Variants in CCDC170 observed in about 807,000 individuals in gnomAD.
CCDC170 encodes the protein coiled-coil domain-containing protein 170.
A neutral mutation model predicts 72.6 loss-of-function variants in CCDC170; 69 were observed. That is an observed-to-expected ratio of 0.95 (90% CI 0.78 to 1.16). The LOEUF is 1.16. Among genes scored for constraint, CCDC170 ranks in the 50% most tolerant of loss-of-function variants. CCDC170 has a pLI of 0.00. For synonymous variants in CCDC170, 300 were observed against 303.9 expected, an observed-to-expected ratio of 0.99 and a Z score of 0.13; for missense variants, 852 against 832.5, an observed-to-expected ratio of 1.02 and a Z score of -0.29.
At chr6:151,524,079 T>G (rs890054096) in intron 1 of CCDC170, among the ~76,000 whole-genome samples, 1 of 152,218 alleles carries the variant, frequency 6.6e-6, no homozygotes, top group African/African-American at 2.4e-5. Context: ...GGGCATCTCA[T>G]TTGCATAAGG....
chr6:151,540,542 T>G (rs980676432), intron 3 of CCDC170, among the ~76,000 whole-genome samples: 1 of 151,572 alleles, frequency 6.6e-6, no homozygotes, highest in African/African-American at 2.4e-5. Flanking sequence ...TGCATCACCA[T>G]GCCCAGTTAA....
chr6:151,594,258 G>A (rs1003775428), intron 8 of CCDC170, among the ~76,000 whole-genome samples: 6 of 152,096 alleles, frequency 3.9e-5, no homozygotes, highest in East Asian at 1.9e-4. Context: ...CTCCCAATTC[G>A]GTTCCATCAA....
intron 5 of CCDC170, among the ~76,000 whole-genome samples, chr6:151,558,916 C>A (rs192644085): frequency 1.3e-5 from 2 of 151,716 alleles, no homozygotes; most frequent in Non-Finnish European, 2.9e-5. Context: ...GATTTTTTTC[C>A]ATTTCTATGA....
chr6:151,585,057 T>G (rs983128433), intron 6 of CCDC170, among the ~76,000 whole-genome samples: 1 of 152,136 alleles, frequency 6.6e-6, no homozygotes, highest in Admixed American at 6.5e-5. Flanking sequence ...TGAAACTGGA[T>G]TTAGTAAAAT....
At position 151,620,510 on chromosome 6, in the gene CCDC170, A is replaced by C. The variant is rs542541788; in HGVS notation, c.*2363A>C. The stretch of plus-strand genomic sequence containing the variant: ...CCACCAACCCCTTTTCACATGCTCC[A>C]AAGATGTAGTAGTGTCTGCTGTTTT... On this transcript the variant is annotated 3_prime_UTR_variant, in exon 11 of 11. Coordinates refer to ENST00000239374, the MANE Select transcript of CCDC170 (RefSeq NM_025059.4). 1 of 152,384 alleles carries C rather than the reference A, an allele frequency of 6.6e-6. No homozygotes were observed. Among genetic ancestry groups the C allele is most frequent in the South Asian group, 2.1e-4 (1 of 4,822 alleles). 9.4% of individuals were successfully genotyped at this position (152,384 alleles called of 1,614,324 possible).
At chr6:151,505,479 C>T (rs1003758965) in intron 1 of CCDC170, among the ~76,000 whole-genome samples, 27 of 151,698 alleles carry the variant, frequency 1.8e-4, no homozygotes, top group Non-Finnish European at 8.8e-5. Context: ...GTCAGGAGAT[C>T]GAGACCATCC....
intron 7 of CCDC170, among the ~76,000 whole-genome samples, chr6:151,590,358 TCTTCC>T (rs201403138): frequency 0.016 from 2,384 of 152,334 alleles, 69 homozygotes; most frequent in African/African-American, 0.055. Flanking sequence ...GATTGGTATT[TCTTCC>T]CTTCCCTTAC....
chr6:151,554,468 T>A (rs2115064992), intron 5 of CCDC170, among the ~76,000 whole-genome samples: 1 of 152,284 alleles, frequency 6.6e-6, no homozygotes. Context: ...CTCAAGCTTG[T>A]AATCCTAGCA....
At chr6:151,529,906 G>A (rs911461928) in intron 1 of CCDC170, among the ~76,000 whole-genome samples, 8 of 151,764 alleles carry the variant, frequency 5.3e-5, no homozygotes, top group East Asian at 1.9e-4. Flanking sequence ...GTCATCCCAC[G>A]GTGGAAGGGT....
chr6:151,520,613 G>C (rs1436770152), intron 1 of CCDC170, among the ~76,000 whole-genome samples: 2 of 152,310 alleles, frequency 1.3e-5, no homozygotes, highest in East Asian at 3.9e-4. Flanking sequence ...TATGGTTAAG[G>C]AGTCATTGCA....
chr6:151,612,710 A>G (rs911826669), intron 9 of CCDC170, among the ~76,000 whole-genome samples: 3 of 152,182 alleles, frequency 2.0e-5, no homozygotes, highest in Admixed American at 6.5e-5. Context: ...GCAATTAGAT[A>G]AAAATAGATG....
intron 9 of CCDC170, among the ~76,000 whole-genome samples, chr6:151,611,796 C>T (rs1268217519): frequency 6.6e-6 from 1 of 152,108 alleles, no homozygotes; most frequent in African/African-American, 2.4e-5. Context: ...CTGCAACTTC[C>T]ACCTCCTGGG....
chr6:151,543,973 T>C (rs180932157), intron 3 of CCDC170, among the ~76,000 whole-genome samples: 3 of 152,316 alleles, frequency 2.0e-5, no homozygotes, highest in African/African-American at 7.2e-5. Flanking sequence ...CTTTCCTTTC[T>C]TCCAATACAC....
At position 151,616,439 on chromosome 6, in the gene CCDC170, CAT is replaced by C. The variant is rs78757764; in HGVS notation, c.1947+762_1947+763del. Among the ~76,000 whole-genome samples, 876 of 152,190 alleles carry C rather than the reference CAT, an allele frequency of 5.8e-3. 4 individuals are homozygous for C. Among genetic ancestry groups the C allele is most frequent in the Non-Finnish European group, 9.1e-3 (622 of 68,000 alleles). On this transcript the variant is annotated intron_variant, in intron 10 of 10. Coordinates refer to ENST00000239374, the MANE Select transcript of CCDC170 (RefSeq NM_025059.4). Reference sequence around the variant, plus strand: ...TTTCTCCTTTTGAAGCTCAAAAGGGCATAGAGTGGACTCTGATCCTAGGATTT... The same window carrying C: ...TTTCTCCTTTTGAAGCTCAAAAGGGCAGAGTGGACTCTGATCCTAGGATTT...
intron 1 of CCDC170, among the ~76,000 whole-genome samples, chr6:151,525,803 C>A (rs994738476): frequency 6.6e-6 from 1 of 152,184 alleles, no homozygotes; most frequent in Non-Finnish European, 1.5e-5. Flanking sequence ...TGGACACTTA[C>A]AAAACATGAA....
intron 1 of CCDC170, among the ~76,000 whole-genome samples, chr6:151,499,468 A>G (rs796710518): frequency 2.1e-5 from 3 of 140,242 alleles, no homozygotes; most frequent in South Asian, 2.3e-4. Context: ...TATAAGTGGA[A>G]TCAGACTGTA....
intron 1 of CCDC170, among the ~76,000 whole-genome samples, chr6:151,498,298 T>A (rs1387813138): frequency 2.0e-5 from 3 of 152,222 alleles, no homozygotes; most frequent in Non-Finnish European, 4.4e-5. Context: ...CAGCTATAGT[T>A]CCTCAAAACA....
intron 6 of CCDC170, among the ~76,000 whole-genome samples, chr6:151,581,194 T>C (rs1776374905): frequency 6.6e-6 from 1 of 152,166 alleles, no homozygotes; most frequent in African/African-American, 2.4e-5. Context: ...TCTCAAAAGA[T>C]TTCTCTGTAG....
At chr6:151,586,273 G>A (rs778976018) in intron 7 of CCDC170, among the ~76,000 whole-genome samples, 184 bp downstream of exon 7, 26 of 152,192 alleles carry the variant, frequency 1.7e-4, no homozygotes, top group Non-Finnish European at 2.9e-4. Context: ...TAAACTCAAC[G>A]AGTATTTATT....
Sources: gnomAD v4.1 joint callset for allele counts (sites outside exome capture counted in the v4.1 genomes callset) on GRCh38, gnomAD v4.1.1 for gene constraint, MANE v1.5 for transcripts, NCBI Gene and HGNC (gene_info 2026-07-23, HGNC 2026-07-21) for gene names.